The following SLC16A12 variants were observed in gnomAD, a reference collection of about 807,000 sequenced individuals.
SLC16A12 encodes solute carrier family 16 member 12.
Under a neutral mutation model 42.4 loss-of-function variants are expected in SLC16A12, and 17 were observed. The observed-to-expected ratio is 0.40, with a 90% confidence interval of 0.27 to 0.60. The LOEUF is 0.60. SLC16A12 is among the 20% of genes least tolerant of loss of function. The probability of loss-of-function intolerance (pLI) is 0.42; values close to 1 mark genes in which losing one functional copy is unlikely to be tolerated. For synonymous variants in SLC16A12, 224 were observed against 229.4 expected (o/e 0.98, Z 0.21); for missense variants, 544 against 623.0 (o/e 0.87, Z 1.35).
At chr10:89,538,794 A>C (rs1843695577), upstream of SLC16A12, among the ~76,000 whole-genome samples, 1 of 152,216 alleles carries the variant, frequency 6.6e-6, no homozygotes, top group Non-Finnish European at 1.5e-5. Flanking sequence ...GGGAATGACA[A>C]AGATTTTTTT....
At chr10:89,553,576 A>G (rs1321401866) in intron 2 of SLC16A12, among the ~76,000 whole-genome samples, 1 of 152,234 alleles carries the variant, frequency 6.6e-6, no homozygotes, top group Non-Finnish European at 1.5e-5. Context: ...ACAATATTGG[A>G]CAAGTTGTTA....
chr10:89,550,715 G>A (rs1478539428), intron 2 of SLC16A12, among the ~76,000 whole-genome samples: 1 of 150,126 alleles, frequency 6.7e-6, no homozygotes, highest in Non-Finnish European at 1.5e-5. Flanking sequence ...ACTTAGCTAT[G>A]TTGGCTTTTC....
intron 2 of SLC16A12, among the ~76,000 whole-genome samples, chr10:89,490,707 G>A (rs984954890): frequency 1.3e-4 from 20 of 152,116 alleles, no homozygotes; most frequent in Non-Finnish European, 2.6e-4. Context: ...CCTTCAGTTA[G>A]GGTTTTTATG....
chr10:89,472,032 G>A (rs1025230320), intron 2 of SLC16A12, among the ~76,000 whole-genome samples: 2 of 152,016 alleles, frequency 1.3e-5, no homozygotes, highest in African/African-American at 4.8e-5. Context: ...AGTTATTTGT[G>A]GATATATGTG....
At chr10:89,522,471 C>T (rs1452125710) in intron 2 of SLC16A12, among the ~76,000 whole-genome samples, 1 of 152,200 alleles carries the variant, frequency 6.6e-6, no homozygotes, top group East Asian at 1.9e-4. Context: ...TCTGAACACC[C>T]AAACATTTCC....
chr10:89,539,904 TC>T (rs777228048), upstream of SLC16A12, among the ~76,000 whole-genome samples: 11 of 146,888 alleles, frequency 7.5e-5, no homozygotes, highest in African/African-American at 2.6e-4. Context: ...TTTCTTTCTT[TC>T]TTTCTTTTTT....
intron 3 of SLC16A12, among the ~76,000 whole-genome samples, chr10:89,450,237 T>G (rs1842071846): frequency 1.3e-5 from 2 of 152,234 alleles, no homozygotes; most frequent in Non-Finnish European, 2.9e-5. Flanking sequence ...AAATACCATT[T>G]GACCCAGTGA....
At chr10:89,536,238 T>C (rs959313404), upstream of SLC16A12, among the ~76,000 whole-genome samples, 1 of 152,130 alleles carries the variant, frequency 6.6e-6, no homozygotes, top group African/African-American at 2.4e-5. Context: ...CAAGGCCTCC[T>C]TTAGGTGTAT....
upstream of SLC16A12, among the ~76,000 whole-genome samples, chr10:89,538,816 C>T (rs748154950): frequency 1.7e-4 from 26 of 152,124 alleles, no homozygotes; most frequent in Non-Finnish European, 5.9e-5. Flanking sequence ...CTTGGCCAAA[C>T]TTTAGTCAGG....
intron 3 of SLC16A12, among the ~76,000 whole-genome samples, chr10:89,452,993 G>A (rs1842120065): frequency 6.6e-6 from 1 of 152,216 alleles, no homozygotes; most frequent in South Asian, 2.1e-4. Flanking sequence ...AAGGCCAAAT[G>A]AGTGGCACAT....
intron 2 of SLC16A12, among the ~76,000 whole-genome samples, chr10:89,492,336 T>A (rs1485966177): frequency 6.6e-6 from 1 of 152,162 alleles, no homozygotes; most frequent in Non-Finnish European, 1.5e-5. Flanking sequence ...AAAGGTTATT[T>A]TTGATCTTCC....
intron 3 of SLC16A12, among the ~76,000 whole-genome samples, chr10:89,449,233 T>C (rs1381321058): frequency 6.6e-6 from 1 of 152,236 alleles, no homozygotes; most frequent in East Asian, 1.9e-4. Context: ...CCAATGACTT[T>C]CTTCACAGAA....
At chr10:89,554,097 A>AGGG (rs1481531536) in intron 2 of SLC16A12, among the ~76,000 whole-genome samples, 9 of 126,152 alleles carry the variant, frequency 7.1e-5, no homozygotes, top group African/African-American at 2.2e-4. Flanking sequence ...AGAAAGAAAG[A>AGGG]AAGAAGGAAG....
chr10:89,441,274 G>A lies in SLC16A12; in HGVS notation c.305-23C>T, dbSNP rs759702932. 3.1e-6 allele frequency: 5 copies of A among 1,613,740 alleles called. No homozygotes were observed. In the South Asian group the frequency reaches 3.3e-5, roughly 11 times the overall value. Reference sequence around the variant, plus strand: ...GAGCTTCAAAAACAATAAGAAATAGGTTCAACAGAAAGGCCTTGAGGGCAC... The same window carrying A: ...GAGCTTCAAAAACAATAAGAAATAGATTCAACAGAAAGGCCTTGAGGGCAC... On this transcript the variant is annotated intron_variant, in intron 4 of 7. Transcript: ENST00000371790.
intron 2 of SLC16A12, among the ~76,000 whole-genome samples, chr10:89,505,727 C>G (rs1414219103): frequency 6.6e-6 from 1 of 152,222 alleles, no homozygotes; most frequent in Non-Finnish European, 1.5e-5. Flanking sequence ...TCCCCAGATA[C>G]TGCACTTTTC....
chr10:89,436,103 G>GT lies in SLC16A12; in HGVS notation c.1244dup (p.Tyr415Ter). The GT allele has an allele frequency of 6.2e-7, 1 of 1,614,002 alleles. No individual in the cohort carries two copies. The highest frequency in any genetic ancestry group is 8.5e-7 in the Non-Finnish European group (1 of 1,179,950). The change falls in exon 7 of 8, where the codon TAC (tyrosine) becomes TAAC (stop). Residue 415 changes from tyrosine to a stop codon, truncating the protein, a stop_gained and frameshift_variant. Coordinates refer to ENST00000371790, the MANE Select transcript of SLC16A12 (RefSeq NM_213606.4). LOFTEE classifies it high-confidence loss of function. ...CCAAGTATGGCACTGCGTGAAGGAA[G>GT]TATACCACACCAAGCGCTGATGACA... ...TSLSSALGVV[Y>*]FLHAVPYLVS... is the part of the protein sequence containing the mutation.
intron 2 of SLC16A12, among the ~76,000 whole-genome samples, chr10:89,508,854 A>G (rs1014349545): frequency 6.6e-6 from 1 of 152,186 alleles, no homozygotes; most frequent in Non-Finnish European, 1.5e-5. Context: ...AGAAGAAAAG[A>G]GACAAGAATC....
intron 2 of SLC16A12, among the ~76,000 whole-genome samples, chr10:89,510,166 A>C (rs1843141181): frequency 6.6e-6 from 1 of 152,236 alleles, no homozygotes; most frequent in African/African-American, 2.4e-5. Flanking sequence ...AGCCCAAAGT[A>C]ATTTATAGAG....
intron 3 of SLC16A12, among the ~76,000 whole-genome samples, chr10:89,444,751 C>T (rs570900582): frequency 1.1e-4 from 17 of 152,264 alleles, no homozygotes; most frequent in Admixed American, 7.8e-4. Flanking sequence ...CACTGGGACT[C>T]GTTGGACAGT....
Sources: allele counts gnomAD v4.1 joint callset (sites outside exome capture counted in the v4.1 genomes callset), GRCh38; gene constraint gnomAD v4.1.1; transcripts MANE v1.5; gene names NCBI Gene and HGNC (gene_info 2026-07-23, HGNC 2026-07-21).